The following GRM7 variants were observed in gnomAD, a reference collection of about 807,000 sequenced individuals.
GRM7 encodes metabotropic glutamate receptor 7.
GRM7 carries 35 observed loss-of-function variants against 84.5 expected under a neutral mutation model. The observed-to-expected ratio is 0.41, with a 90% CI of 0.32 to 0.55. The LOEUF is 0.55. Ranked by LOEUF, GRM7 falls within the 20% of genes least tolerant of loss-of-function variation. The pLI is 0.19. For synonymous variants in GRM7, 487 were observed against 455.1 expected, an observed-to-expected ratio of 1.07 and a Z score of -0.89; for missense variants, 1,003 against 1,194.6, an observed-to-expected ratio of 0.84 and a Z score of 2.36.
chr3:7,561,429 C>G, intron 7 of GRM7: 2 of 449,762 alleles, frequency 4.4e-6, no homozygotes, highest in Non-Finnish European at 9.0e-6. Context: ...GCATGGAACA[C>G]AGAAGCTGCT....
chr3:7,130,313 G>A (rs1248160425), intron 1 of GRM7, among the ~76,000 whole-genome samples: 2 of 152,130 alleles, frequency 1.3e-5, no homozygotes, highest in Non-Finnish European at 2.9e-5. Flanking sequence ...GGAGACCGAG[G>A]TGGGCGAATC....
chr3:6,990,295 A>G (rs1694585837), intron 1 of GRM7, among the ~76,000 whole-genome samples: 1 of 152,244 alleles, frequency 6.6e-6, no homozygotes, highest in Non-Finnish European at 1.5e-5. Context: ...CATGAGAAGA[A>G]AAGAAAAACT....
chr3:7,560,802 A>AGGCAACC (rs1693987795), intron 7 of GRM7, among the ~76,000 whole-genome samples: 1 of 152,112 alleles, frequency 6.6e-6, no homozygotes, highest in East Asian at 1.9e-4. Context: ...GCCTTCATGT[A>AGGCAACC]ATTCTATCAG....
intron 1 of GRM7, among the ~76,000 whole-genome samples, chr3:7,087,131 T>G (rs1698485507): frequency 1.3e-5 from 2 of 152,174 alleles, no homozygotes; most frequent in Non-Finnish European, 2.9e-5. Flanking sequence ...CTCCAAATGA[T>G]TGATAAGCAT....
At chr3:7,218,554 C>T (rs767041904) in intron 2 of GRM7, among the ~76,000 whole-genome samples, 1 of 151,844 alleles carries the variant, frequency 6.6e-6, no homozygotes, top group Non-Finnish European at 1.5e-5. Flanking sequence ...TAAAATTTAC[C>T]TGTAATTTCC....
chr3:6,938,127 G>C (rs977505640), intron 1 of GRM7, among the ~76,000 whole-genome samples: 2 of 152,162 alleles, frequency 1.3e-5, no homozygotes, highest in Non-Finnish European at 2.9e-5. Context: ...CATTCCAATA[G>C]AGTCTCTAAG....
At chr3:7,433,974 A>G (rs951337436) in intron 5 of GRM7, among the ~76,000 whole-genome samples, 11 of 151,456 alleles carry the variant, frequency 7.3e-5, no homozygotes, top group Admixed American at 4.6e-4. Flanking sequence ...AACATCATAT[A>G]CCTCTCTGTT....
chr3:7,341,358 T>G (rs1410488280), intron 4 of GRM7, among the ~76,000 whole-genome samples: 1 of 144,780 alleles, frequency 6.9e-6, no homozygotes, highest in African/African-American at 2.8e-5. Context: ...CAAATAACGG[T>G]AAAATTCAAC....
intron 4 of GRM7, among the ~76,000 whole-genome samples, chr3:7,357,493 T>G (rs1299115747): frequency 6.6e-6 from 1 of 152,102 alleles, no homozygotes; most frequent in Non-Finnish European, 1.5e-5. Flanking sequence ...TACAGACATA[T>G]TTTTTCCTCT....
rs116025807 is a variant in GRM7, at chr3:7,082,323, C to T, written c.520-64129C>T. Among the ~76,000 whole-genome samples the T allele has an allele frequency of 5.6e-3, 845 of 152,174 alleles. 8 individuals are homozygous for T. Among genetic ancestry groups the T allele is most frequent in the African/African-American group, 0.019 (786 of 41,526 alleles). On this transcript the variant is annotated intron_variant, in intron 1 of 9. Coordinates refer to ENST00000357716, the MANE Select transcript of GRM7 (RefSeq NM_000844.4). ...TTATGATTAATCTACTCTGTCTGTG[C>T]TCTAGAAATAAAACAACAAAACCTG...
intron 9 of GRM7, among the ~76,000 whole-genome samples, chr3:7,695,433 T>G (rs566337891): frequency 2.0e-4 from 30 of 152,354 alleles, no homozygotes; most frequent in African/African-American, 6.7e-4. Flanking sequence ...GTCTACATTT[T>G]TTTTTAGCCC....
At chr3:6,955,245 T>C (rs1692983947) in intron 1 of GRM7, among the ~76,000 whole-genome samples, 1 of 152,170 alleles carries the variant, frequency 6.6e-6, no homozygotes, top group Non-Finnish European at 1.5e-5. Context: ...TATTTAAGAA[T>C]AGAATGACGG....
chr3:7,538,935 A>G (rs1398323479), intron 7 of GRM7, among the ~76,000 whole-genome samples: 1 of 152,186 alleles, frequency 6.6e-6, no homozygotes, highest in Non-Finnish European at 1.5e-5. Flanking sequence ...CTAGTAAGAG[A>G]AAATCCAAAT....
At chr3:7,165,677 G>GA (rs1433965093) in intron 2 of GRM7, among the ~76,000 whole-genome samples, 1 of 152,070 alleles carries the variant, frequency 6.6e-6, no homozygotes, top group African/African-American at 2.4e-5. Flanking sequence ...TGACATTTGG[G>GA]AAAAAATGTT....
intron 2 of GRM7, among the ~76,000 whole-genome samples, chr3:7,175,924 A>G (rs1695130925): frequency 6.6e-6 from 1 of 152,184 alleles, no homozygotes; most frequent in Non-Finnish European, 1.5e-5. Flanking sequence ...CAAAAGCTGA[A>G]GTGATATCTC....
chr3:7,197,077 C>A (rs1695902638), intron 2 of GRM7, among the ~76,000 whole-genome samples: 2 of 152,140 alleles, frequency 1.3e-5, no homozygotes, highest in African/African-American at 4.8e-5. Context: ...TTCTTAGCCA[C>A]AATGTCCCAT....
chr3:7,117,396 C>T (rs1177228404), intron 1 of GRM7, among the ~76,000 whole-genome samples: 1 of 152,182 alleles, frequency 6.6e-6, no homozygotes, highest in Non-Finnish European at 1.5e-5. Flanking sequence ...AGACTTTCAC[C>T]TTTGTTCTTT....
rs73124769 is a variant in GRM7 at position 6,911,523 on chromosome 3, G to A, written c.519+49616G>A. 7.6e-3 allele frequency among the ~76,000 whole-genome samples: 1,158 copies of A among 152,144 alleles called. 17 individuals carry two copies. Among genetic ancestry groups the A allele is most frequent in the African/African-American group, 0.026 (1,095 of 41,518 alleles). On this transcript the variant is annotated intron_variant, in intron 1 of 9. Coordinates refer to ENST00000357716, the MANE Select transcript of GRM7 (RefSeq NM_000844.4). The stretch of plus-strand genomic sequence containing the variant: ...TGCAAATACACATATGCATGTTTCA[G>A]AAGTTATTATATAATAAAATTACAG...
chr3:7,485,261 C>G (rs764538351), intron 7 of GRM7, among the ~76,000 whole-genome samples: 1 of 152,188 alleles, frequency 6.6e-6, no homozygotes, highest in Non-Finnish European at 1.5e-5. Context: ...TGTTACACAG[C>G]AGTCAATAAC....
Sources: allele counts gnomAD v4.1 joint callset (sites outside exome capture counted in the v4.1 genomes callset), GRCh38; gene constraint gnomAD v4.1.1; transcripts MANE v1.5; gene names NCBI Gene and HGNC (gene_info 2026-07-23, HGNC 2026-07-21).